The following RPTOR variants were observed in gnomAD, a reference collection of about 807,000 sequenced individuals.
RPTOR encodes the protein regulatory-associated protein of mTOR.
A neutral mutation model predicts 169.9 loss-of-function variants in RPTOR; 21 were observed. That is an observed-to-expected ratio of 0.12 (90% CI 0.09 to 0.18). RPTOR has a LOEUF of 0.18. Among genes scored for constraint, RPTOR ranks in the 10% least tolerant of loss-of-function variants. The pLI is 1.00. For synonymous variants in RPTOR, 732 were observed against 753.2 expected, an observed-to-expected ratio of 0.97 and a Z score of 0.46; for missense variants, 1,133 against 1,855.9, an observed-to-expected ratio of 0.61 and a Z score of 7.16.
At chr17:80,570,148 CCT>C (rs2064888410) in intron 1 of RPTOR, among the ~76,000 whole-genome samples, 1 of 152,116 alleles carries the variant, frequency 6.6e-6, no homozygotes, top group African/African-American at 2.4e-5. Context: ...TGCATGGGCC[CCT>C]GTCTCCATGC....
chr17:80,763,672 T>C (rs2066757374), intron 6 of RPTOR, among the ~76,000 whole-genome samples: 1 of 152,218 alleles, frequency 6.6e-6, no homozygotes, highest in African/African-American at 2.4e-5. Context: ...TGGACATATG[T>C]GGACCATTCA....
At chr17:80,648,875 T>C (rs1159049551) in intron 3 of RPTOR, among the ~76,000 whole-genome samples, 1 of 152,146 alleles carries the variant, frequency 6.6e-6, no homozygotes, top group African/African-American at 2.4e-5. Context: ...CTGTTGTCCG[T>C]AGTGAACAAG....
intron 18 of RPTOR, among the ~76,000 whole-genome samples, chr17:80,892,084 G>T (rs1450314655): frequency 5.6e-4 from 85 of 152,262 alleles, no homozygotes; most frequent in Non-Finnish European, 4.4e-5. Context: ...AACTCACAGA[G>T]ACCTTGAAGT....
intron 3 of RPTOR, among the ~76,000 whole-genome samples, chr17:80,655,864 A>G (rs995248738): frequency 2.0e-5 from 3 of 152,090 alleles, no homozygotes; most frequent in Admixed American, 1.3e-4. Context: ...TGGGTGTGGC[A>G]TATGTGTACA....
intron 7 of RPTOR, among the ~76,000 whole-genome samples, chr17:80,813,650 CA>C (rs1567926191): frequency 6.6e-6 from 1 of 152,076 alleles, no homozygotes; most frequent in African/African-American, 2.4e-5. Context: ...AGAATTATTT[CA>C]AAAAAGAAAT....
At chr17:80,635,626 G>A (rs2065500054) in intron 2 of RPTOR, among the ~76,000 whole-genome samples, 1 of 152,144 alleles carries the variant, frequency 6.6e-6, no homozygotes, top group Non-Finnish European at 1.5e-5. Context: ...ACCCAGGGGA[G>A]GTCAGCGCCT....
intron 19 of RPTOR, among the ~76,000 whole-genome samples, chr17:80,893,421 T>TGTGTGTGCCAGGGTGTGTGTACTGG (rs2068356399): frequency 7.1e-6 from 1 of 141,406 alleles, no homozygotes; most frequent in Admixed American, 7.0e-5. Flanking sequence ...TACAAGGGTG[T>TGTGTGTGCCAGGGTGTGTGTACTGG]GTGTGTGCCA....
chr17:80,911,117 C>T lies in RPTOR; in HGVS notation c.2520+2188C>T, dbSNP rs2068608044. On this transcript the variant is annotated intron_variant, in intron 21 of 33. Coordinates refer to ENST00000306801, the MANE Select transcript of RPTOR (RefSeq NM_020761.3). ...AAGTGCTGGGATTACAGGCGTGAGCCACTGCGCCTGGCCTGTTCTTTATGG... is the reference window on the plus strand; with the variant it reads ...AAGTGCTGGGATTACAGGCGTGAGCTACTGCGCCTGGCCTGTTCTTTATGG... Among the ~76,000 whole-genome samples, 11 of 152,316 alleles carry T rather than the reference C, an allele frequency of 7.2e-5. 1 individual carries two copies. In the South Asian group the frequency reaches 2.1e-3, roughly 29 times the overall value.
intron 5 of RPTOR, chr17:80,743,393 C>T (rs1250552164): frequency 3.6e-5 from 35 of 985,316 alleles, no homozygotes; most frequent in Non-Finnish European, 4.2e-5. Context: ...CTAACCTGAG[C>T]CGTAGAACGT....
intron 3 of RPTOR, among the ~76,000 whole-genome samples, chr17:80,689,005 A>G (rs2065969755): frequency 6.6e-6 from 1 of 152,226 alleles, no homozygotes; most frequent in South Asian, 2.1e-4. Context: ...TGCCGTTCTG[A>G]TAAATTGCAA....
chr17:80,656,875 T>C (rs2065683622), intron 3 of RPTOR, among the ~76,000 whole-genome samples: 1 of 152,146 alleles, frequency 6.6e-6, no homozygotes, highest in Admixed American at 6.5e-5. Flanking sequence ...GGAACACTTG[T>C]ATTGAGTGGC....
At chr17:80,857,999 G>A (rs181676256) in intron 13 of RPTOR, 99 bp downstream of exon 13, 21 of 931,828 alleles carry the variant, frequency 2.3e-5, no homozygotes, top group East Asian at 5.1e-5. Flanking sequence ...CTCCAGCCTC[G>A]CTCCCTCTCC....
chr17:80,703,844 G>A (rs917221051), intron 3 of RPTOR, among the ~76,000 whole-genome samples: 1 of 152,174 alleles, frequency 6.6e-6, no homozygotes, highest in African/African-American at 2.4e-5. Context: ...AAATGCATAG[G>A]TATTTGTTTT....
intron 1 of RPTOR, among the ~76,000 whole-genome samples, chr17:80,595,782 C>A (rs2065140381): frequency 6.6e-6 from 1 of 152,180 alleles, no homozygotes; most frequent in African/African-American, 2.4e-5. Flanking sequence ...TGTACATGTG[C>A]TTGCCCTTTG....
At chr17:80,599,624 G>A (rs924055020) in intron 1 of RPTOR, among the ~76,000 whole-genome samples, 1 of 152,218 alleles carries the variant, frequency 6.6e-6, no homozygotes, top group Non-Finnish European at 1.5e-5. Flanking sequence ...GGTGGCACAT[G>A]ATGACTGTCC....
intron 1 of RPTOR, among the ~76,000 whole-genome samples, chr17:80,591,343 GGA>G (rs2065106302): frequency 1.5e-5 from 2 of 131,544 alleles, no homozygotes; most frequent in East Asian, 4.5e-4. Flanking sequence ...TCTTTTTTTT[GGA>G]GACAGAGTTT....
chr17:80,956,010 A>G (rs2069243715), intron 28 of RPTOR, among the ~76,000 whole-genome samples: 1 of 152,242 alleles, frequency 6.6e-6, no homozygotes, highest in African/African-American at 2.4e-5. Context: ...AAAGCCTAAC[A>G]TTAAAGAAGC....
intron 2 of RPTOR, among the ~76,000 whole-genome samples, chr17:80,634,190 G>GTGTGTGCATACTGTGTGCGCATACTC (rs1567830210): frequency 7.7e-5 from 11 of 143,524 alleles, no homozygotes; most frequent in African/African-American, 2.0e-4. Flanking sequence ...TGCGCATACT[G>GTGTGTGCATACTGTGTGCGCATACTC]TGTGTGCATA....
In RPTOR at chr17:80,837,635, C is replaced by T. The variant is rs146519283; in HGVS notation, c.1137-287C>T. On this transcript the variant is annotated intron_variant, in intron 9 of 33. Coordinates refer to ENST00000306801, the MANE Select transcript of RPTOR (RefSeq NM_020761.3). ...GGAAGCATTCCTTTATTTTTCCAGG[C>T]TTTTTTTCTTATTTTATTTTAAAGA... Among the ~76,000 whole-genome samples the T allele has an allele frequency of 3.3e-4, 50 of 152,330 alleles. No individual in the cohort carries two copies. In the East Asian group the frequency reaches 8.9e-3, roughly 27 times the overall value.
Sources: allele counts gnomAD v4.1 joint callset (sites outside exome capture counted in the v4.1 genomes callset), GRCh38; gene constraint gnomAD v4.1.1; transcripts MANE v1.5; gene names NCBI Gene and HGNC (gene_info 2026-07-23, HGNC 2026-07-21).